SGSH: variants seen among roughly 807,000 people sequenced by gnomAD.
SGSH encodes N-sulfoglucosamine sulfohydrolase.
A neutral mutation model predicts 51.0 loss-of-function variants in SGSH; 48 were observed. That is an observed-to-expected ratio of 0.94 (90% CI 0.75 to 1.20). The LOEUF (loss-of-function observed/expected upper bound fraction) is 1.20. SGSH is among the 50% of genes most tolerant of loss of function. The probability of loss-of-function intolerance (pLI) is 0.00; values close to 1 mark genes in which losing one functional copy is unlikely to be tolerated. For synonymous variants in SGSH, 321 were observed against 313.4 expected (o/e 1.02, Z -0.26); for missense variants, 662 against 717.8 (o/e 0.92, Z 0.89).
chr17:80,207,628 C>T (rs8078181), downstream of SGSH: 11,699 of 157,178 alleles, frequency 0.074, 690 homozygotes, highest in African/African-American at 0.16. Context: ...CTGGCCTCTC[C>T]AGAATCTTGA....
rs1006104998 is a variant in SGSH, at chr17:80,213,584, G to T, written c.745+220C>A. On this transcript the variant is annotated intron_variant, in intron 6 of 7. Coordinates refer to ENST00000326317, the MANE Select transcript of SGSH (RefSeq NM_000199.5). The surrounding 1 kb of genome is among the most constrained non-coding windows in gnomAD (Gnocchi z 4.6). ...CACGCAACCTCTGGGGCACCCGAAG[G>T]CCCCAGCCCAGGAGCAGGTCCACAT... The T allele has an allele frequency of 8.5e-6, 5 of 590,506 alleles. No individual in the cohort carries two copies. Among genetic ancestry groups the T allele is most frequent in the African/African-American group, 1.9e-5 (1 of 53,654 alleles). 36.6% of individuals were successfully genotyped at this position (590,506 alleles called of 1,614,324 possible).
At chr17:80,217,889 T>C (rs1347017446) in intron 1 of SGSH, among the ~76,000 whole-genome samples, 1 of 151,654 alleles carries the variant, frequency 6.6e-6, no homozygotes, top group Non-Finnish European at 1.5e-5. Flanking sequence ...CCGGTGGGTA[T>C]GTTGGCAGGT....
At chr17:80,217,944 G>C (rs929707477) in intron 1 of SGSH, among the ~76,000 whole-genome samples, 3 of 152,148 alleles carry the variant, frequency 2.0e-5, no homozygotes, top group African/African-American at 7.2e-5. Flanking sequence ...GGTATAAGCA[G>C]ATGGGCATGG....
At position 80,213,950 on chromosome 17, in the gene SGSH, TC is replaced by T; in HGVS notation, c.664-66del. The T allele has an allele frequency of 1.3e-6, 2 of 1,481,922 alleles. No homozygotes were observed. 91.8% of individuals were successfully genotyped at this position (1,481,922 alleles called of 1,614,324 possible). A position where few individuals can be genotyped will look rare whatever the true frequency, so the allele number is the denominator to read the frequency against. ...ACCGGGGGAGCGGTGTCCAGCCTTC[TC>T]CCCGGGGCCTCCTGCAAATGGGTTA... On this transcript the variant is annotated intron_variant, in intron 5 of 7. Transcript: ENST00000326317. The surrounding 1 kb of genome is among the most constrained non-coding windows in gnomAD (Gnocchi z 4.6).
downstream of SGSH, chr17:80,205,726 A>G (rs2041264893): frequency 6.9e-7 from 1 of 1,443,182 alleles, no homozygotes; most frequent in East Asian, 2.5e-5. Flanking sequence ...GGGGGATGAG[A>G]TAAAGGTACA....
chr17:80,213,869 G>C lies in SGSH; in HGVS notation c.680C>G (p.Pro227Arg), dbSNP rs774602372. 6.2e-7 allele frequency: 1 copy of C among 1,608,348 alleles called. No homozygotes were observed. The highest frequency in any genetic ancestry group is 8.5e-7 in the Non-Finnish European group (1 of 1,179,340). ...GTCGGCTCGGGCTGCCGGGGTGTTG[G>C]GGACGAAGTAAGGCACCTGGGGCAG... ...PLDVLVPYFVPNTPAARADLA... is the reference protein window; with the variant it reads ...PLDVLVPYFVRNTPAARADLA... Residue 227 changes from proline (P) to arginine (R), a missense_variant, in exon 6 of 8, where the codon CCC becomes CGC. Coordinates refer to ENST00000326317, the MANE Select transcript of SGSH (RefSeq NM_000199.5). This position sits in a 1 kb window ranked among gnomAD's most constrained non-coding sequence, Gnocchi z 4.6.
chr17:80,204,020 C>A, downstream of SGSH: 2 of 829,602 alleles, frequency 2.4e-6, no homozygotes, highest in Non-Finnish European at 3.8e-6. Flanking sequence ...CTCTCCTCTG[C>A]ACCCCTTCAA....
At chr17:80,208,146 T>C (rs1314373473), downstream of SGSH, 1 of 1,536,530 alleles carries the variant, frequency 6.5e-7, no homozygotes, top group African/African-American at 1.4e-5. Context: ...AGGAAGGGCC[T>C]ACAGCGGTTG....
At chr17:80,205,766 T>C (rs1044359081), downstream of SGSH, 10 of 1,155,718 alleles carry the variant, frequency 8.7e-6, no homozygotes, top group Non-Finnish European at 1.2e-5. Flanking sequence ...GGTGACCTTG[T>C]CGCCGACCTC....
chr17:80,202,000 GC>G, downstream of SGSH: 1 of 1,346,310 alleles, frequency 7.4e-7, no homozygotes, highest in South Asian at 1.4e-5. This position sits in a 1 kb window ranked among gnomAD's most constrained non-coding sequence, Gnocchi z 5.0. Context: ...GCCAGGCTGT[GC>G]CCCAGGTCCC....
chr17:80,205,788 A>C (rs1026316321), downstream of SGSH: 8 of 910,928 alleles, frequency 8.8e-6, no homozygotes, highest in South Asian at 1.3e-4. Context: ...GGGTCCCAAC[A>C]GCCCAGCAGG....
downstream of SGSH, chr17:80,204,654 T>C: frequency 2.7e-6 from 1 of 367,956 alleles, no homozygotes. Context: ...AGGAGAGGAG[T>C]ACAGGACAGA....
downstream of SGSH, chr17:80,205,589 G>A (rs1027578686): frequency 7.0e-6 from 11 of 1,575,920 alleles, no homozygotes; most frequent in Admixed American, 1.8e-4. Context: ...TCATCCAGGA[G>A]GGAGAGGTGT....
Position 80,210,872 on chromosome 17 carries a change from G to A in SGSH, c.1089C>T (p.Gly363=), listed in dbSNP as rs367631292. The A allele has an allele frequency of 7.4e-6, 12 of 1,613,100 alleles. No homozygotes were observed. The highest frequency in any genetic ancestry group is 1.0e-5 in the Non-Finnish European group (12 of 1,180,010). The change falls in exon 8 of 8, where the codon GGC becomes GGT. Residue 363 remains glycine (G), a synonymous_variant. Coordinates refer to ENST00000326317, the MANE Select transcript of SGSH (RefSeq NM_000199.5). ...EAEPLWATVF[G]SQSHHEVTMS... ...TGGTGACCTCGTGGTGGCTCTGGCT[G>A]CCAAAGACGGTGGCCCAGAGGGGCT...
chr17:80,211,291 A>G (rs2041655061), intron 7 of SGSH: 1 of 800,240 alleles, frequency 1.2e-6, no homozygotes, highest in Non-Finnish European at 1.8e-6. Flanking sequence ...CGTGTACTCC[A>G]GCCCCTGTGG....
In SGSH at chr17:80,214,248, T is replaced by G; in HGVS notation, c.587A>C (p.Lys196Thr). 1 of 1,613,254 alleles carries G rather than the reference T, an allele frequency of 6.2e-7. No homozygotes were observed. The highest frequency in any genetic ancestry group is 8.5e-7 in the Non-Finnish European group (1 of 1,179,996). Residue 196 changes from lysine (K) to threonine (T), a missense_variant, in exon 5 of 8, where the codon AAG becomes ACG. Coordinates refer to ENST00000326317, the MANE Select transcript of SGSH (RefSeq NM_000199.5). ...SQPQYGTFCE[K>T]FGNGESGMGR... The stretch of plus-strand genomic sequence containing the variant: ...CATGCCGCTCTCTCCGTTGCCAAAC[T>G]TCTCACAGAAGGTTCCGTACTGGGG...
At chr17:80,205,395 G>A (rs1344602874), downstream of SGSH, 5 of 1,295,760 alleles carry the variant, frequency 3.9e-6, no homozygotes, top group Admixed American at 8.5e-5. Flanking sequence ...GCAGGGTCAG[G>A]TTTGTAAAGT....
At chr17:80,201,097 C>T in the SGSH span, 1 of 152,940 alleles carries the variant, frequency 6.5e-6, no homozygotes, top group East Asian at 1.9e-4. The surrounding 1 kb of genome is among the most constrained non-coding windows in gnomAD (Gnocchi z 5.0). Flanking sequence ...GTTCAAGCAA[C>T]AGAGCCCCTT....
chr17:80,202,159 G>T, downstream of SGSH: 2 of 1,595,478 alleles, frequency 1.3e-6, no homozygotes, highest in Non-Finnish European at 1.7e-6. Flanking sequence ...CTCATCTGTG[G>T]CTCATGTCCC....
Sources: gnomAD v4.1 joint callset for allele counts (sites outside exome capture counted in the v4.1 genomes callset) on GRCh38, gnomAD v4.1.1 for gene constraint, Gnocchi (gnomAD v3.1) non-coding constraint, MANE v1.5 for transcripts, NCBI Gene and HGNC (gene_info 2026-07-23, HGNC 2026-07-21) for gene names.